Variants in MGAT4C observed in about 807,000 individuals in gnomAD.
The protein encoded by MGAT4C is MGAT4 family member C, also known as alpha-1,3-mannosyl-glycoprotein 4-beta-N-acetylglucosaminyltransferase C.
A neutral mutation model predicts 40.1 loss-of-function variants in MGAT4C; 19 were observed. The ratio of observed to expected loss-of-function variants is 0.47; its 90% CI spans 0.33 to 0.70. The LOEUF is 0.70. Among genes scored for constraint, MGAT4C ranks in the 30% least tolerant of loss-of-function variants. The pLI is 0.02. For missense variants in MGAT4C, 491 were observed against 563.2 expected (o/e 0.87, Z 1.30); for synonymous variants, 181 against 187.1 (o/e 0.97, Z 0.27).
chr12:86,703,665 A>G (rs1950402804), intron 2 of MGAT4C, among the ~76,000 whole-genome samples: 1 of 152,192 alleles, frequency 6.6e-6, no homozygotes, highest in South Asian at 2.1e-4. Flanking sequence ...TTTTATATAC[A>G]CAGGGAAATT....
chr12:86,394,467 T>C (rs1956211147), intron 3 of MGAT4C, among the ~76,000 whole-genome samples: 1 of 145,782 alleles, frequency 6.9e-6, no homozygotes, highest in Non-Finnish European at 1.5e-5. Context: ...TAATTATATA[T>C]ATATACTTTT....
chr12:86,681,886 T>G (rs1949989405), intron 2 of MGAT4C, among the ~76,000 whole-genome samples: 1 of 152,004 alleles, frequency 6.6e-6, no homozygotes. Context: ...AGTAGAAATT[T>G]ACTGAACAAA....
chr12:86,401,739 GT>G (rs1173020661), intron 3 of MGAT4C, among the ~76,000 whole-genome samples: 3 of 152,024 alleles, frequency 2.0e-5, no homozygotes, highest in Non-Finnish European at 2.9e-5. Flanking sequence ...GAGAAATAAA[GT>G]TTTTGGAAGA....
At chr12:86,576,782 G>A (rs186972416) in intron 2 of MGAT4C, among the ~76,000 whole-genome samples, 9 of 151,624 alleles carry the variant, frequency 5.9e-5, no homozygotes, top group East Asian at 3.9e-4. Flanking sequence ...TCTTTTTTGC[G>A]TAGAATAGCT....
intron 2 of MGAT4C, among the ~76,000 whole-genome samples, chr12:86,477,220 T>C (rs184234190): frequency 9.5e-4 from 144 of 152,104 alleles, no homozygotes; most frequent in South Asian, 1.9e-3. Flanking sequence ...ATATACAACA[T>C]GGTATACTAT....
chr12:86,565,924 C>T (rs909905979), intron 2 of MGAT4C, among the ~76,000 whole-genome samples: 1 of 152,226 alleles, frequency 6.6e-6, no homozygotes, highest in Middle Eastern at 3.4e-3. Flanking sequence ...CATGGACTTC[C>T]ACTCACCAAG....
chr12:86,049,006 A>G (rs1200631012), intron 2 of MGAT4C, among the ~76,000 whole-genome samples: 1 of 152,092 alleles, frequency 6.6e-6, no homozygotes, highest in Non-Finnish European at 1.5e-5. Context: ...CAGACAAAGA[A>G]AACTTGACAA....
At chr12:86,832,617 T>A (rs1952952930) in intron 1 of MGAT4C, among the ~76,000 whole-genome samples, 1 of 151,828 alleles carries the variant, frequency 6.6e-6, no homozygotes, top group Non-Finnish European at 1.5e-5. Context: ...TGCTATGTAA[T>A]AGATATTTTT....
chr12:86,480,047 T>C (rs958973389), intron 2 of MGAT4C, among the ~76,000 whole-genome samples: 8 of 151,900 alleles, frequency 5.3e-5, no homozygotes, highest in Non-Finnish European at 8.8e-5. Flanking sequence ...GGTAAGCATA[T>C]AGTTTTATGA....
chr12:86,439,364 C>T (rs1469341980), intron 2 of MGAT4C, among the ~76,000 whole-genome samples: 3 of 152,006 alleles, frequency 2.0e-5, no homozygotes, highest in Admixed American at 1.3e-4. Context: ...AAACAACCTA[C>T]TTCTGAACTA....
At chr12:86,036,843 G>A (rs1891285511) in intron 2 of MGAT4C, among the ~76,000 whole-genome samples, 1 of 149,828 alleles carries the variant, frequency 6.7e-6, no homozygotes, top group Non-Finnish European at 1.5e-5. Context: ...TTTTTCTATT[G>A]TTTGGAATAG....
chr12:86,272,616 T>C (rs1195570386), intron 4 of MGAT4C, among the ~76,000 whole-genome samples: 1 of 152,060 alleles, frequency 6.6e-6, no homozygotes, highest in Non-Finnish European at 1.5e-5. Flanking sequence ...TTTGGGAGGC[T>C]GAGGTGGGCA....
At chr12:86,321,519 A>G (rs1954387037) in intron 4 of MGAT4C, among the ~76,000 whole-genome samples, 2 of 152,222 alleles carry the variant, frequency 1.3e-5, no homozygotes, top group South Asian at 4.1e-4. Flanking sequence ...AGAGCTAATG[A>G]GTAAACTAAG....
At chr12:86,542,807 A>C (rs1411213485) in intron 2 of MGAT4C, among the ~76,000 whole-genome samples, 1 of 152,228 alleles carries the variant, frequency 6.6e-6, no homozygotes. Flanking sequence ...GCACAGGGCA[A>C]GCACATAATA....
At chr12:86,765,968 A>G (rs189613439) in intron 1 of MGAT4C, among the ~76,000 whole-genome samples, 12 of 152,318 alleles carry the variant, frequency 7.9e-5, no homozygotes, top group African/African-American at 2.6e-4. Flanking sequence ...ACTAATGAGT[A>G]AAATAACCAG....
At chr12:86,060,053 A>G (rs1213263100) in intron 1 of MGAT4C, among the ~76,000 whole-genome samples, 1 of 152,156 alleles carries the variant, frequency 6.6e-6, no homozygotes, top group Non-Finnish European at 1.5e-5. Flanking sequence ...GCTATCTACT[A>G]GGAATAATTT....
intron 1 of MGAT4C, among the ~76,000 whole-genome samples, chr12:86,147,375 G>C (rs1883680524): frequency 6.6e-6 from 1 of 151,994 alleles, no homozygotes; most frequent in Admixed American, 6.5e-5. Context: ...CCAAGTACCT[G>C]GGACTACAGG....
At chr12:86,329,036 G>A (rs1253690176) in intron 4 of MGAT4C, among the ~76,000 whole-genome samples, 1 of 151,896 alleles carries the variant, frequency 6.6e-6, no homozygotes, top group East Asian at 1.9e-4. Context: ...CCAGGGGGCA[G>A]AGGTTGCAGT....
chr12:86,453,646 G>C (rs891642946), intron 2 of MGAT4C, among the ~76,000 whole-genome samples: 1 of 152,024 alleles, frequency 6.6e-6, no homozygotes, highest in African/African-American at 2.4e-5. Context: ...GCTTTTGTCT[G>C]GTCTTCATGT....
Sources: allele counts gnomAD v4.1 joint callset (sites outside exome capture counted in the v4.1 genomes callset), GRCh38; gene constraint gnomAD v4.1.1; transcripts MANE v1.5; gene names NCBI Gene and HGNC (gene_info 2026-07-23, HGNC 2026-07-21).